The following LDLRAD3 variants were observed in gnomAD, a reference collection of about 807,000 sequenced individuals.
LDLRAD3 encodes low density lipoprotein receptor class A domain containing 3, also known as low-density lipoprotein receptor class A domain-containing protein 3.
LDLRAD3 carries 20 observed loss-of-function variants against 29.4 expected under a neutral mutation model. That is an observed-to-expected ratio of 0.68 (90% CI 0.48 to 0.99). The LOEUF (loss-of-function observed/expected upper bound fraction) is 0.99. Among genes scored for constraint, LDLRAD3 ranks in the 50% least tolerant of loss-of-function variants. LDLRAD3 has a pLI of 0.00. For missense variants in LDLRAD3, 420 were observed against 454.3 expected, an observed-to-expected ratio of 0.92 and a Z score of 0.69; for synonymous variants, 157 against 192.7, an observed-to-expected ratio of 0.81 and a Z score of 1.53.
chr11:36,206,473 G>T (rs1418067713), intron 4 of LDLRAD3, among the ~76,000 whole-genome samples: 1 of 152,136 alleles, frequency 6.6e-6, no homozygotes, highest in Non-Finnish European at 1.5e-5. Context: ...CATGGGTCAG[G>T]TAAAGCACAG....
chr11:35,952,990 G>C (rs1374104123), intron 1 of LDLRAD3, among the ~76,000 whole-genome samples: 1 of 152,144 alleles, frequency 6.6e-6, no homozygotes, highest in Non-Finnish European at 1.5e-5. Flanking sequence ...TGCGAAAGTA[G>C]GCAGTGATGT....
chr11:36,187,469 A>G (rs936763412), intron 4 of LDLRAD3, among the ~76,000 whole-genome samples: 1 of 152,220 alleles, frequency 6.6e-6, no homozygotes, highest in Non-Finnish European at 1.5e-5. Context: ...TCATGGCACT[A>G]CATAGAGCAC....
intron 3 of LDLRAD3, among the ~76,000 whole-genome samples, chr11:36,083,780 A>ACACC (rs1341157355): frequency 9.8e-4 from 73 of 74,848 alleles, no homozygotes; most frequent in Middle Eastern, 7.7e-3. Flanking sequence ...ACACACACAC[A>ACACC]CCCCAGAATA....
intron 4 of LDLRAD3, among the ~76,000 whole-genome samples, chr11:36,177,303 G>C (rs1449442540): frequency 6.6e-6 from 1 of 152,120 alleles, no homozygotes; most frequent in Non-Finnish European, 1.5e-5. Flanking sequence ...GAGCTTCTTA[G>C]ATCTTTTTCT....
At chr11:36,005,970 ACCT>A (rs1345946264) in intron 1 of LDLRAD3, among the ~76,000 whole-genome samples, 1 of 152,070 alleles carries the variant, frequency 6.6e-6, no homozygotes, top group East Asian at 1.9e-4. Flanking sequence ...TGATTCAGTC[ACCT>A]CCTACTAGGC....
intron 1 of LDLRAD3, among the ~76,000 whole-genome samples, chr11:35,994,440 T>G (rs1211783834): frequency 2.0e-5 from 3 of 151,476 alleles, no homozygotes; most frequent in Non-Finnish European, 4.4e-5. Flanking sequence ...ATACCTTAAT[T>G]AAAAATACTT....
intron 1 of LDLRAD3, among the ~76,000 whole-genome samples, chr11:35,975,833 T>G (rs1414078105): frequency 1.4e-5 from 2 of 147,026 alleles, no homozygotes; most frequent in African/African-American, 5.2e-5. Context: ...ACTGGGGATT[T>G]TTTTTTTTTT....
chr11:36,086,208 A>C (rs1853193684), intron 3 of LDLRAD3, among the ~76,000 whole-genome samples: 1 of 152,222 alleles, frequency 6.6e-6, no homozygotes, highest in South Asian at 2.1e-4. Context: ...TAGCTGCTAT[A>C]AAATCTTCAT....
chr11:36,026,846 A>G (rs1269856888), intron 1 of LDLRAD3, among the ~76,000 whole-genome samples: 1 of 152,244 alleles, frequency 6.6e-6, no homozygotes, highest in Admixed American at 6.5e-5. Flanking sequence ...CTTTCCTAGA[A>G]AACTTATGAA....
intron 1 of LDLRAD3, among the ~76,000 whole-genome samples, chr11:35,976,846 T>TTG (rs1431922287): frequency 6.6e-6 from 1 of 151,956 alleles, no homozygotes; most frequent in Non-Finnish European, 1.5e-5. Flanking sequence ...AGGTGTGTGT[T>TTG]TGTGTGTGTG....
intron 4 of LDLRAD3, among the ~76,000 whole-genome samples, chr11:36,221,957 A>T (rs1855434790): frequency 6.6e-6 from 1 of 152,226 alleles, no homozygotes; most frequent in African/African-American, 2.4e-5. Context: ...AAAAATAGGT[A>T]CAAGATTGTA....
At chr11:36,045,459 G>A (rs1025270522) in intron 2 of LDLRAD3, among the ~76,000 whole-genome samples, 2 of 152,108 alleles carry the variant, frequency 1.3e-5, no homozygotes, top group Admixed American at 6.6e-5. Flanking sequence ...GTGTCGGCCC[G>A]GCCGTGGTTT....
At chr11:36,182,123 G>A (rs1854773833) in intron 4 of LDLRAD3, among the ~76,000 whole-genome samples, 2 of 152,214 alleles carry the variant, frequency 1.3e-5, no homozygotes, top group Non-Finnish European at 2.9e-5. Flanking sequence ...GACAGGAGTG[G>A]TGGAAGTAGC....
chr11:36,035,732 G>C (rs530210924), intron 1 of LDLRAD3, among the ~76,000 whole-genome samples: 1 of 152,320 alleles, frequency 6.6e-6, no homozygotes, highest in African/African-American at 2.4e-5. Context: ...TAATGTTGGA[G>C]ACATTGGGAG....
intron 4 of LDLRAD3, among the ~76,000 whole-genome samples, chr11:36,128,604 T>C (rs1348484437): frequency 6.6e-6 from 1 of 151,994 alleles, no homozygotes; most frequent in Non-Finnish European, 1.5e-5. Context: ...ATCCCAACAC[T>C]TTGGGAGGCT....
intron 4 of LDLRAD3, among the ~76,000 whole-genome samples, chr11:36,189,568 C>T (rs1448663520): frequency 6.7e-6 from 1 of 150,262 alleles, no homozygotes; most frequent in Non-Finnish European, 1.5e-5. Context: ...TACGTAACCA[C>T]GAATTTACTT....
chr11:36,049,855 G>A (rs1003275373), intron 2 of LDLRAD3, among the ~76,000 whole-genome samples: 5 of 152,172 alleles, frequency 3.3e-5, no homozygotes, highest in African/African-American at 1.2e-4. Flanking sequence ...GGTGGGATAA[G>A]GGTGGAGAGG....
chr11:36,013,587 C>T (rs955571728), intron 1 of LDLRAD3, among the ~76,000 whole-genome samples: 6 of 151,832 alleles, frequency 4.0e-5, no homozygotes, highest in Non-Finnish European at 5.9e-5. Context: ...GTTAGTTTGC[C>T]GAGAGTGATG....
chr11:36,022,190 T>C (rs752326088), intron 1 of LDLRAD3, among the ~76,000 whole-genome samples: 3 of 152,212 alleles, frequency 2.0e-5, no homozygotes. Context: ...GGGTGGATCC[T>C]TTTACACTTC....
Sources: allele counts gnomAD v4.1 joint callset (sites outside exome capture counted in the v4.1 genomes callset), GRCh38; gene constraint gnomAD v4.1.1; transcripts MANE v1.5; gene names NCBI Gene and HGNC (gene_info 2026-07-23, HGNC 2026-07-21).